The following DSCAM variants were observed in gnomAD, a reference collection of about 807,000 sequenced individuals.
The protein encoded by DSCAM is DS cell adhesion molecule.
A neutral mutation model predicts 217.7 loss-of-function variants in DSCAM; 47 were observed. The ratio of observed to expected loss-of-function variants is 0.22; its 90% CI spans 0.17 to 0.28. The LOEUF (loss-of-function observed/expected upper bound fraction) is 0.28. DSCAM is among the 10% of genes least tolerant of loss of function. The pLI is 1.00. For missense variants in DSCAM, 2,080 were observed against 2,618.3 expected (o/e 0.79, Z 4.49); for synonymous variants, 1,056 against 1,015.3 (o/e 1.04, Z -0.76).
chr21:40,602,963 C>T (rs1301858641), intron 3 of DSCAM, among the ~76,000 whole-genome samples: 1 of 5,666 alleles, frequency 1.8e-4, no homozygotes, highest in African/African-American at 7.5e-4. Context: ...TCTATGCATT[C>T]AATGTTATAA....
At chr21:40,449,074 T>A (rs1389549678) in intron 3 of DSCAM, among the ~76,000 whole-genome samples, 2 of 152,258 alleles carry the variant, frequency 1.3e-5, no homozygotes, top group South Asian at 2.1e-4. Flanking sequence ...CTTTTCCCCA[T>A]CTTCAAGTTC....
At chr21:40,474,196 G>A (rs927994989) in intron 3 of DSCAM, among the ~76,000 whole-genome samples, 3 of 152,120 alleles carry the variant, frequency 2.0e-5, no homozygotes, top group African/African-American at 7.2e-5. Context: ...GGGAGGCTGA[G>A]GCAGGAGAAT....
chr21:40,814,239 C>T (rs1166212336), intron 1 of DSCAM, among the ~76,000 whole-genome samples: 1 of 152,206 alleles, frequency 6.6e-6, no homozygotes, highest in Admixed American at 6.5e-5. Flanking sequence ...CATGAAGAAC[C>T]GCAGAACCAT....
chr21:40,468,205 T>C (rs1017037432), intron 3 of DSCAM, among the ~76,000 whole-genome samples: 1 of 152,178 alleles, frequency 6.6e-6, no homozygotes, highest in Non-Finnish European at 1.5e-5. Context: ...TAAAATTCTC[T>C]TTCTCTTTCC....
At chr21:40,338,031 C>T in intron 8 of DSCAM, 70 bp downstream of exon 8, 1 of 1,569,024 alleles carries the variant, frequency 6.4e-7, no homozygotes, top group Admixed American at 1.7e-5. Context: ...TACCCGACTT[C>T]AAATCATTGG....
At chr21:40,113,622 G>T (rs1372037339) in intron 20 of DSCAM, among the ~76,000 whole-genome samples, 1 of 152,096 alleles carries the variant, frequency 6.6e-6, no homozygotes, top group East Asian at 1.9e-4. Flanking sequence ...AAGTCAAATT[G>T]TCCCTGTTTG....
At chr21:40,492,336 TG>T (rs375668438) in intron 3 of DSCAM, among the ~76,000 whole-genome samples, 121 of 152,298 alleles carry the variant, frequency 7.9e-4, no homozygotes, top group African/African-American at 2.6e-3. Context: ...GAGAACAGGC[TG>T]ACTTCCCACC....
At chr21:40,704,375 A>C (rs2090689516) in intron 2 of DSCAM, among the ~76,000 whole-genome samples, 1 of 152,102 alleles carries the variant, frequency 6.6e-6, no homozygotes, top group Non-Finnish European at 1.5e-5. Context: ...CATTTTTTCT[A>C]TCGCTGACTA....
chr21:40,426,169 C>T (rs143692400), intron 3 of DSCAM, among the ~76,000 whole-genome samples: 2 of 152,336 alleles, frequency 1.3e-5, no homozygotes, highest in African/African-American at 4.8e-5. Flanking sequence ...GCACAATTGT[C>T]AGGGGCTTGT....
intron 3 of DSCAM, among the ~76,000 whole-genome samples, chr21:40,656,079 C>G (rs918990546): frequency 9.2e-5 from 14 of 152,068 alleles, no homozygotes; most frequent in Non-Finnish European, 1.6e-4. Flanking sequence ...AAGCACTCAT[C>G]TCATCCATGG....
At chr21:40,844,540 T>A (rs554185001) in intron 1 of DSCAM, among the ~76,000 whole-genome samples, 1 of 152,376 alleles carries the variant, frequency 6.6e-6, no homozygotes, top group African/African-American at 2.4e-5. Flanking sequence ...ATGGTGATTA[T>A]CAGTTGATTT....
At chr21:40,742,711 G>A (rs558117831) in intron 1 of DSCAM, among the ~76,000 whole-genome samples, 35 of 152,238 alleles carry the variant, frequency 2.3e-4, no homozygotes, top group Non-Finnish European at 2.4e-4. Context: ...GTGGGCCAGG[G>A]TCTGTGCTGG....
At chr21:40,158,343 T>C (rs2090502351) in intron 16 of DSCAM, among the ~76,000 whole-genome samples, 2 of 152,026 alleles carry the variant, frequency 1.3e-5, no homozygotes, top group Non-Finnish European at 2.9e-5. Flanking sequence ...TGAGCCAGGA[T>C]GGTGCCACTA....
intron 3 of DSCAM, among the ~76,000 whole-genome samples, chr21:40,426,712 C>G (rs1216453656): frequency 6.6e-6 from 1 of 152,128 alleles, no homozygotes; most frequent in Non-Finnish European, 1.5e-5. Context: ...AGGAAAGAGG[C>G]CCAGCAAGCT....
At chr21:40,481,841 A>G (rs1323968603) in intron 3 of DSCAM, among the ~76,000 whole-genome samples, 3 of 152,202 alleles carry the variant, frequency 2.0e-5, no homozygotes, top group Non-Finnish European at 2.9e-5. Flanking sequence ...AGTGGCAGAC[A>G]GGACCCGTGT....
At chr21:40,673,325 A>G (rs886824460) in intron 3 of DSCAM, among the ~76,000 whole-genome samples, 1 of 152,208 alleles carries the variant, frequency 6.6e-6, no homozygotes, top group Non-Finnish European at 1.5e-5. Flanking sequence ...TTAGAATCCA[A>G]TGAAACCCAG....
At chr21:40,365,524 A>G (rs555469595) in intron 4 of DSCAM, among the ~76,000 whole-genome samples, 118 of 152,228 alleles carry the variant, frequency 7.8e-4, no homozygotes, top group African/African-American at 2.8e-3. Flanking sequence ...TGATCACGTG[A>G]GTCATTACTC....
At chr21:40,802,612 A>T (rs963317633) in intron 1 of DSCAM, among the ~76,000 whole-genome samples, 1 of 152,178 alleles carries the variant, frequency 6.6e-6, no homozygotes, top group Non-Finnish European at 1.5e-5. Context: ...AGCCCTCACA[A>T]TGGGATTAAT....
chr21:40,655,763 C>A (rs2146368642), intron 3 of DSCAM, among the ~76,000 whole-genome samples: 1 of 152,052 alleles, frequency 6.6e-6, no homozygotes, highest in Admixed American at 6.6e-5. Context: ...TTTTTTAAGA[C>A]CACTAATCCA....
Sources: allele counts gnomAD v4.1 joint callset (sites outside exome capture counted in the v4.1 genomes callset), GRCh38; gene constraint gnomAD v4.1.1; transcripts MANE v1.5; gene names NCBI Gene and HGNC (gene_info 2026-07-23, HGNC 2026-07-21).